MACROD2: variants seen among roughly 807,000 people sequenced by gnomAD.
MACROD2 encodes the protein ADP-ribose glycohydrolase MACROD2.
Under a neutral mutation model 70.4 loss-of-function variants are expected in MACROD2, and 36 were observed. The observed-to-expected ratio is 0.51, with a 90% CI of 0.39 to 0.68. The LOEUF (loss-of-function observed/expected upper bound fraction) is 0.68, where lower values mean the gene tolerates loss of function less well. Among genes scored for constraint, MACROD2 ranks in the 30% least tolerant of loss-of-function variants. MACROD2 has a pLI of 0.00. For missense variants in MACROD2, 496 were observed against 538.4 expected, an observed-to-expected ratio of 0.92 and a Z score of 0.78; for synonymous variants, 172 against 178.8, an observed-to-expected ratio of 0.96 and a Z score of 0.30.
At chr20:15,732,763 C>CT (rs5840686) in intron 8 of MACROD2, among the ~76,000 whole-genome samples, 10,358 of 147,796 alleles carry the variant, frequency 0.07, 575 homozygotes, top group African/African-American at 0.15. Flanking sequence ...TAGTTTTCCT[C>CT]TTTTTTTTTT....
intron 5 of MACROD2, among the ~76,000 whole-genome samples, chr20:14,769,318 C>T (rs1362022083): frequency 6.6e-6 from 1 of 151,846 alleles, no homozygotes; most frequent in Non-Finnish European, 1.5e-5. Context: ...ATTTCTTTAC[C>T]CACCTGTGAT....
At chr20:14,198,727 T>G (rs1391323197) in intron 3 of MACROD2, among the ~76,000 whole-genome samples, 1 of 152,110 alleles carries the variant, frequency 6.6e-6, no homozygotes, top group Non-Finnish European at 1.5e-5. Flanking sequence ...CTCTGATCCT[T>G]TTCCTCCTTT....
rs143089480 is a variant in MACROD2, at chr20:14,976,287, G to T, written c.419-253653G>T. On this transcript the variant is annotated intron_variant, in intron 5 of 17. Coordinates refer to ENST00000684519, the MANE Select transcript of MACROD2 (RefSeq NM_001351661.2). The stretch of plus-strand genomic sequence containing the variant: ...TAAAGGTGAGGTGTTGGTGGTGCTG[G>T]TTTCTTCTGAAGTCTCTGAGGGAAC... Among the ~76,000 whole-genome samples, 1,002 of 152,268 alleles carry T rather than the reference G, an allele frequency of 6.6e-3. 10 individuals carry two copies. Among genetic ancestry groups the T allele is most frequent in the African/African-American group, 0.023 (956 of 41,538 alleles).
In MACROD2 at chr20:15,477,022, G is replaced by A. The variant is rs113970770; in HGVS notation, c.572-22752G>A. On this transcript the variant is annotated intron_variant, in intron 7 of 17. Transcript: ENST00000684519. ...TCTCTATGGCATCTTCTAGATTTCC[G>A]CTTGGACTGATCTCCACTGTATCTG... 1.0e-2 allele frequency among the ~76,000 whole-genome samples: 1,510 copies of A among 151,426 alleles called. 26 individuals carry two copies. Among genetic ancestry groups the A allele is most frequent in the African/African-American group, 0.034 (1,411 of 41,202 alleles).
intron 3 of MACROD2, among the ~76,000 whole-genome samples, chr20:14,286,674 A>G (rs1351152160): frequency 6.6e-6 from 1 of 152,140 alleles, no homozygotes; most frequent in African/African-American, 2.4e-5. Context: ...TTTGCTTGAT[A>G]TAGAGGATGT....
chr20:14,921,770 A>G (rs975857735), intron 5 of MACROD2, among the ~76,000 whole-genome samples: 4 of 152,226 alleles, frequency 2.6e-5, no homozygotes, highest in African/African-American at 4.8e-5. Context: ...CAGAATGCCA[A>G]TAGGTCTAGC....
At position 14,771,326 on chromosome 20, in the gene MACROD2, A is replaced by T. The variant is rs1013543822; in HGVS notation, c.418+86367A>T. On this transcript the variant is annotated intron_variant, in intron 5 of 17. Transcript: ENST00000684519. ...GCCAATTTCTATTGGCTTTGCTTCT[A>T]TGGAGAACCATAACACAGATTTGAT... is the stretch of plus-strand genomic sequence containing the variant. 5.3e-5 allele frequency among the ~76,000 whole-genome samples: 8 copies of T among 151,998 alleles called. No individual in the cohort carries two copies. In the South Asian group the frequency reaches 1.5e-3, roughly 28 times the overall value.
chr20:14,876,204 T>C (rs762411417), intron 5 of MACROD2, among the ~76,000 whole-genome samples: 1 of 152,080 alleles, frequency 6.6e-6, no homozygotes, highest in East Asian at 1.9e-4. Flanking sequence ...TGGTTTTGAT[T>C]TGCATTTCTG....
chr20:15,574,284 T>A (rs1237933872), intron 8 of MACROD2, among the ~76,000 whole-genome samples: 1 of 152,128 alleles, frequency 6.6e-6, no homozygotes, highest in Non-Finnish European at 1.5e-5. Context: ...CATCAGCTCT[T>A]AATTATTTTC....
intron 8 of MACROD2, among the ~76,000 whole-genome samples, chr20:15,698,007 T>C (rs1242089095): frequency 1.3e-4 from 20 of 152,234 alleles, no homozygotes; most frequent in Admixed American, 1.3e-3. Flanking sequence ...TTCTTATTCA[T>C]TCTGCAGTTC....
At chr20:14,616,169 A>G (rs752039985) in intron 4 of MACROD2, among the ~76,000 whole-genome samples, 1 of 152,172 alleles carries the variant, frequency 6.6e-6, no homozygotes, top group African/African-American at 2.4e-5. Context: ...ACATTCTGTC[A>G]TGGCCATATA....
intron 6 of MACROD2, among the ~76,000 whole-genome samples, chr20:15,350,815 T>C (rs922217813): frequency 2.0e-5 from 3 of 152,200 alleles, no homozygotes; most frequent in Admixed American, 2.0e-4. Flanking sequence ...AAAATTAATG[T>C]GTATAATAGT....
intron 3 of MACROD2, among the ~76,000 whole-genome samples, chr20:14,479,309 G>C (rs563325861): frequency 2.0e-5 from 3 of 151,834 alleles, no homozygotes; most frequent in East Asian, 1.9e-4. Flanking sequence ...CTGATGCCCC[G>C]TGCTGGTGCT....
intron 6 of MACROD2, among the ~76,000 whole-genome samples, chr20:15,308,108 G>A (rs908115687): frequency 1.7e-4 from 26 of 151,804 alleles, no homozygotes; most frequent in Non-Finnish European, 3.5e-4. Flanking sequence ...TGATATGGAT[G>A]GTATCTGCTC....
chr20:14,222,222 T>G (rs569478426), intron 3 of MACROD2, among the ~76,000 whole-genome samples: 22 of 152,288 alleles, frequency 1.4e-4, no homozygotes, highest in African/African-American at 5.3e-4. Flanking sequence ...ATAGCAAAGA[T>G]ATAGAATCAA....
intron 12 of MACROD2, among the ~76,000 whole-genome samples, chr20:15,950,784 G>A (rs1322227376): frequency 1.3e-5 from 2 of 152,094 alleles, no homozygotes; most frequent in Non-Finnish European, 2.9e-5. Context: ...TGGAAACTAC[G>A]AAATTAGGCA....
At chr20:15,967,701 ACCCACAGACTTGAATTTTTCTGG>A in intron 13 of MACROD2, 71 bp downstream of exon 13, 1 of 1,139,840 alleles carries the variant, frequency 8.8e-7, no homozygotes, top group Non-Finnish European at 1.2e-6. Context: ...AAAAAAAAAA[ACCCACAGACTTGAATTTTTCTGG>A]AAAAATATTG....
chr20:14,002,427 T>A (rs572213677), intron 2 of MACROD2, 23 bp downstream of exon 2: 1 of 1,462,182 alleles, frequency 6.8e-7, no homozygotes, highest in African/African-American at 1.4e-5. Context: ...GAACATTTTT[T>A]AGGTAGATAT....
intron 8 of MACROD2, among the ~76,000 whole-genome samples, chr20:15,795,581 C>G (rs182176872): frequency 6.6e-6 from 1 of 152,246 alleles, no homozygotes; most frequent in Non-Finnish European, 1.5e-5. Flanking sequence ...TTGAAGGACA[C>G]AAACCATGGC....
Sources: allele counts gnomAD v4.1 joint callset (sites outside exome capture counted in the v4.1 genomes callset), GRCh38; gene constraint gnomAD v4.1.1; transcripts MANE v1.5; gene names NCBI Gene and HGNC (gene_info 2026-07-23, HGNC 2026-07-21).